The following NFE2L3 variants were observed in gnomAD, a reference collection of about 807,000 sequenced individuals.
NFE2L3 encodes the protein nuclear factor erythroid 2-related factor 3.
A neutral mutation model predicts 23.5 loss-of-function variants in NFE2L3; 18 were observed. That is an observed-to-expected ratio of 0.77 (90% CI 0.53 to 1.13). NFE2L3 has a LOEUF of 1.13. Among genes scored for constraint, NFE2L3 ranks in the 50% most tolerant of loss-of-function variants. The probability of loss-of-function intolerance (pLI) is 0.00; values close to 1 mark genes in which losing one functional copy is unlikely to be tolerated. For missense variants in NFE2L3, 1,152 were observed against 877.2 expected (o/e 1.31, Z -3.96); for synonymous variants, 424 against 354.5 (o/e 1.20, Z -2.20).
rs1207883883 is a variant in NFE2L3, at chr7:26,161,357, TTTTTTTTG to T, written c.570+8290_570+8297del. Among the ~76,000 whole-genome samples, 12 of 105,930 alleles carry T rather than the reference TTTTTTTTG, an allele frequency of 1.1e-4. No homozygotes were observed. In the South Asian group the frequency reaches 1.6e-3, roughly 14 times the overall value. The allele number at this position is 105,930 out of a possible 152,430, so 69.5% of individuals were successfully genotyped here. On this transcript the variant is annotated intron_variant, in intron 1 of 3. Transcript: ENST00000056233. ...TCTCTTTTTTTTTTTTTTTTTTTTTTTTTTTTTGGGTCTTACCTTTCTTTAGAGTTTCT... is the reference window on the plus strand; with the variant it reads ...TCTCTTTTTTTTTTTTTTTTTTTTTTGGTCTTACCTTTCTTTAGAGTTTCT...
In NFE2L3 at chr7:26,184,819, A is replaced by G. The variant is rs117952294; in HGVS notation, c.1121A>G (p.Asn374Ser). The G allele has an allele frequency of 1.1e-4, 175 of 1,613,970 alleles. 1 individual carries two copies. In the East Asian group the frequency reaches 3.3e-3, roughly 30 times the overall value. Residue 374 changes from asparagine to serine, a missense_variant, in exon 4 of 4, where the codon AAT becomes AGT. Physicochemically the swap from Asn to Ser is conservative, Grantham distance 46. Transcript: ENST00000056233. Reference protein sequence around the residue: ...FLSPVDNHMRNLTSQDLLYDL... With the variant: ...FLSPVDNHMRSLTSQDLLYDL... ...TCACCGGTTGACAATCATATGAGGA[A>G]TCTAACAAGCCAAGACCTACTGTAT...
intron 1 of NFE2L3, among the ~76,000 whole-genome samples, chr7:26,153,613 TC>T (rs2128096765): frequency 6.6e-6 from 1 of 152,266 alleles, no homozygotes; most frequent in African/African-American, 2.4e-5. Flanking sequence ...CGGCAGGCGG[TC>T]CCCCTGTGAC....
At position 26,177,935 on chromosome 7, in the gene NFE2L3, T is replaced by G; in HGVS notation, c.571-8T>G. The G allele has an allele frequency of 6.2e-7, 1 of 1,606,738 alleles. No homozygotes were observed. Among genetic ancestry groups the G allele is most frequent in the African/African-American group, 1.3e-5 (1 of 74,402 alleles). On this transcript the variant is annotated splice_region_variant and splice_polypyrimidine_tract_variant and intron_variant, in intron 1 of 3. Transcript: ENST00000056233. ...TTGCTTATTTGATGAAATTTCGTAC[T>G]TTTATAGGAGAATGGGGTACTAAGA...
intron 1 of NFE2L3, among the ~76,000 whole-genome samples, chr7:26,172,377 T>C (rs1261533703): frequency 2.6e-5 from 4 of 152,256 alleles, no homozygotes; most frequent in Non-Finnish European, 4.4e-5. Flanking sequence ...ACGATGTCTC[T>C]CTGTATACAT....
intron 1 of NFE2L3, chr7:26,173,463 G>C (rs1053984978): frequency 6.6e-6 from 1 of 152,190 alleles, no homozygotes; most frequent in Non-Finnish European, 1.5e-5. Context: ...TTCTAAAATA[G>C]ATCATTTGAT....
At chr7:26,176,320 C>CT (rs1373090595) in intron 1 of NFE2L3, among the ~76,000 whole-genome samples, 1 of 152,158 alleles carries the variant, frequency 6.6e-6, no homozygotes, top group Non-Finnish European at 1.5e-5. Context: ...TCCCCCTTTT[C>CT]TTTTTGACAA....
In NFE2L3 at chr7:26,177,929, T is replaced by A; in HGVS notation, c.571-14T>A. ...GACTGTTTGCTTATTTGATGAAATT[T>A]CGTACTTTTATAGGAGAATGGGGTA... On this transcript the variant is annotated splice_polypyrimidine_tract_variant and intron_variant, in intron 1 of 3. Coordinates refer to ENST00000056233, the MANE Select transcript of NFE2L3 (RefSeq NM_004289.7). 5.6e-6 allele frequency: 9 copies of A among 1,602,892 alleles called. No individual in the cohort carries two copies. Among genetic ancestry groups the A allele is most frequent in the Non-Finnish European group, 7.7e-6 (9 of 1,175,620 alleles).
intron 1 of NFE2L3, among the ~76,000 whole-genome samples, chr7:26,157,439 G>A (rs1191356527): frequency 6.6e-6 from 1 of 151,794 alleles, no homozygotes; most frequent in Non-Finnish European, 1.5e-5. Context: ...TACTGCACCT[G>A]GCCTCAATAT....
intron 1 of NFE2L3, among the ~76,000 whole-genome samples, chr7:26,173,309 T>C (rs1192569824): frequency 1.3e-5 from 2 of 152,222 alleles, no homozygotes; most frequent in Non-Finnish European, 2.9e-5. Flanking sequence ...TCAATTTCTC[T>C]ATGGGCTTGA....
At chr7:26,157,853 T>A (rs1784106781) in intron 1 of NFE2L3, among the ~76,000 whole-genome samples, 1 of 152,188 alleles carries the variant, frequency 6.6e-6, no homozygotes, top group Non-Finnish European at 1.5e-5. Flanking sequence ...GTCAGCAGAT[T>A]GGCCCTTCTG....
chr7:26,158,110 G>A (rs912205517), intron 1 of NFE2L3, among the ~76,000 whole-genome samples: 6 of 151,868 alleles, frequency 4.0e-5, no homozygotes, highest in East Asian at 1.9e-4. Context: ...ATTCAATGGC[G>A]CAATCTCGGC....
At chr7:26,181,108 TGGG>T (rs1784499241) in intron 2 of NFE2L3, among the ~76,000 whole-genome samples, 1 of 152,114 alleles carries the variant, frequency 6.6e-6, no homozygotes, top group Non-Finnish European at 1.5e-5. Flanking sequence ...CCCAAGTAAC[TGGG>T]GCTATAGGTG....
chr7:26,160,876 T>C (rs984510401), intron 1 of NFE2L3, among the ~76,000 whole-genome samples: 2 of 152,252 alleles, frequency 1.3e-5, no homozygotes, highest in East Asian at 3.8e-4. Context: ...TGGGAAACCA[T>C]GATTTCCAAA....
Position 26,186,021 on chromosome 7 carries a change from T to C in NFE2L3, c.*238T>C, listed in dbSNP as rs1384299607. 8.1e-6 allele frequency: 3 copies of C among 369,072 alleles called. No homozygotes were observed. Among genetic ancestry groups the C allele is most frequent in the Non-Finnish European group, 1.5e-5 (3 of 205,884 alleles). 22.9% of individuals were successfully genotyped at this position (369,072 alleles called of 1,614,324 possible). On this transcript the variant is annotated 3_prime_UTR_variant, in exon 4 of 4. Coordinates refer to ENST00000056233, the MANE Select transcript of NFE2L3 (RefSeq NM_004289.7). ...TGAAGTGCATTGTATACAAAATTCA[T>C]AGTTATGTCCAAAGAATAGGTTAAC...
chr7:26,154,996 C>G (rs1202982334), intron 1 of NFE2L3, among the ~76,000 whole-genome samples: 1 of 152,146 alleles, frequency 6.6e-6, no homozygotes, highest in African/African-American at 2.4e-5. Flanking sequence ...ATGTGTGCAC[C>G]ATGTTCACTG....
chr7:26,164,782 T>C (rs1013621721), intron 1 of NFE2L3, among the ~76,000 whole-genome samples: 4 of 152,354 alleles, frequency 2.6e-5, no homozygotes, highest in African/African-American at 4.8e-5. Flanking sequence ...AGGGTTTTTA[T>C]GGTTTTAGGT....
chr7:26,182,377 T>A lies in NFE2L3; in HGVS notation c.751-1324T>A, dbSNP rs1784533036. On this transcript the variant is annotated intron_variant, in intron 2 of 3. Transcript: ENST00000056233. ...GGTGTCTCATGCCTGTAATCCCAACTCTTTGTGAGGCCAAGGCAGGTGGAT... is the reference window on the plus strand; with the variant it reads ...GGTGTCTCATGCCTGTAATCCCAACACTTTGTGAGGCCAAGGCAGGTGGAT... 1.3e-5 allele frequency among the ~76,000 whole-genome samples: 2 copies of A among 152,020 alleles called. 1 individual carries two copies. The highest frequency in any genetic ancestry group is 4.2e-4 in the South Asian group (2 of 4,814).
intron 1 of NFE2L3, among the ~76,000 whole-genome samples, chr7:26,155,598 T>G (rs771377743): frequency 1.3e-5 from 2 of 152,288 alleles, no homozygotes; most frequent in Admixed American, 6.5e-5. Flanking sequence ...CTCAAGCTCT[T>G]GGGACATCTA....
At chr7:26,171,114 A>G (rs1784322949) in intron 1 of NFE2L3, among the ~76,000 whole-genome samples, 1 of 152,242 alleles carries the variant, frequency 6.6e-6, no homozygotes, top group Admixed American at 6.5e-5. Context: ...GAATCCATCA[A>G]ATAAAAAACA....
Sources: gnomAD v4.1 joint callset for allele counts (sites outside exome capture counted in the v4.1 genomes callset) on GRCh38, gnomAD v4.1.1 for gene constraint, MANE v1.5 for transcripts, NCBI Gene and HGNC (gene_info 2026-07-23, HGNC 2026-07-21) for gene names.